GRID1: variants seen among roughly 807,000 people sequenced by gnomAD.
GRID1 encodes the protein glutamate receptor ionotropic, delta-1.
A neutral mutation model predicts 98.0 loss-of-function variants in GRID1; 28 were observed. The ratio of observed to expected loss-of-function variants is 0.29; its 90% CI spans 0.21 to 0.39. The LOEUF is 0.39. Among genes scored for constraint, GRID1 ranks in the 10% least tolerant of loss-of-function variants. GRID1 has a pLI of 1.00. For missense variants in GRID1, 1,111 were observed against 1,340.5 expected (o/e 0.83, Z 2.67); for synonymous variants, 553 against 538.5 (o/e 1.03, Z -0.37).
At chr10:85,782,036 CA>C (rs1192365951) in intron 8 of GRID1, among the ~76,000 whole-genome samples, 11 of 152,098 alleles carry the variant, frequency 7.2e-5, no homozygotes, top group African/African-American at 2.7e-4. Context: ...TTCCTAAAGG[CA>C]AAAAATTTAA....
intron 2 of GRID1, among the ~76,000 whole-genome samples, chr10:86,212,616 C>T (rs117950371): frequency 0.045 from 6,806 of 152,314 alleles, 228 homozygotes; most frequent in Admixed American, 0.085. Context: ...CCACGAGCCA[C>T]CTCGTTCCTC....
At chr10:86,017,173 A>C (rs1564650833) in intron 4 of GRID1, among the ~76,000 whole-genome samples, 1 of 152,222 alleles carries the variant, frequency 6.6e-6, no homozygotes, top group African/African-American at 2.4e-5. Flanking sequence ...TTTGTTTGAG[A>C]CAATAACTCA....
At chr10:85,704,398 CA>C (rs1370014452) in intron 12 of GRID1, among the ~76,000 whole-genome samples, 7 of 152,150 alleles carry the variant, frequency 4.6e-5, no homozygotes, top group Non-Finnish European at 1.0e-4. Flanking sequence ...GTAAAGGGAT[CA>C]ATTCAACAAG....
At chr10:85,820,025 G>A (rs1842750817) in intron 8 of GRID1, among the ~76,000 whole-genome samples, 1 of 107,034 alleles carries the variant, frequency 9.3e-6, no homozygotes, top group Non-Finnish European at 1.7e-5. Flanking sequence ...AAGGAAGGAA[G>A]GAAGGCAGGC....
intron 12 of GRID1, among the ~76,000 whole-genome samples, chr10:85,660,657 G>T (rs1840955313): frequency 6.6e-6 from 1 of 151,924 alleles, no homozygotes; most frequent in Non-Finnish European, 1.5e-5. Flanking sequence ...GCTGAAGTCT[G>T]GTTCTAAACA....
At chr10:85,880,220 T>C (rs1334101310) in intron 5 of GRID1, among the ~76,000 whole-genome samples, 1 of 152,214 alleles carries the variant, frequency 6.6e-6, no homozygotes, top group African/African-American at 2.4e-5. Context: ...CCATTCCTTC[T>C]GAAACTATTC....
At chr10:85,608,808 T>C (rs1160012487) in intron 15 of GRID1, among the ~76,000 whole-genome samples, 1 of 152,060 alleles carries the variant, frequency 6.6e-6, no homozygotes, top group Non-Finnish European at 1.5e-5. Context: ...TACACAGCGG[T>C]GTATGGTAAA....
intron 12 of GRID1, among the ~76,000 whole-genome samples, chr10:85,696,251 T>C (rs1462250584): frequency 6.6e-6 from 1 of 152,022 alleles, no homozygotes; most frequent in Non-Finnish European, 1.5e-5. Flanking sequence ...CATAAGTACA[T>C]AATTGCACAG....
chr10:85,768,208 G>C (rs1466862658), intron 8 of GRID1, among the ~76,000 whole-genome samples: 1 of 152,120 alleles, frequency 6.6e-6, no homozygotes, highest in Non-Finnish European at 1.5e-5. Flanking sequence ...GGAATAACTG[G>C]ATGACCATCT....
chr10:86,358,871 G>A (rs1297303840), intron 2 of GRID1, among the ~76,000 whole-genome samples: 4 of 151,792 alleles, frequency 2.6e-5, no homozygotes, highest in Non-Finnish European at 5.9e-5. Context: ...AGAAGGAGAT[G>A]TGATGACAGA....
At chr10:86,294,007 G>A (rs1044267429) in intron 2 of GRID1, among the ~76,000 whole-genome samples, 4 of 152,208 alleles carry the variant, frequency 2.6e-5, no homozygotes, top group Admixed American at 2.6e-4. Flanking sequence ...TGGCTGAGTG[G>A]ATGATAGAGT....
chr10:86,121,960 G>A lies in GRID1; in HGVS notation c.726+16859C>T, dbSNP rs557855989. On this transcript the variant is annotated intron_variant, in intron 4 of 15. Coordinates refer to ENST00000327946, the MANE Select transcript of GRID1 (RefSeq NM_017551.3). The stretch of plus-strand genomic sequence containing the variant: ...TCCTTACCTTGATTGCTTTAGAAAC[G>A]TTCCACTGGATACCCCCGGGCCCCA... Among the ~76,000 whole-genome samples the A allele has an allele frequency of 6.1e-4, 93 of 152,210 alleles. 1 individual carries two copies. In the South Asian group the frequency reaches 0.018, roughly 30 times the overall value.
chr10:86,199,622 G>T (rs1845920386), intron 3 of GRID1, among the ~76,000 whole-genome samples: 1 of 152,126 alleles, frequency 6.6e-6, no homozygotes, highest in Admixed American at 6.5e-5. Context: ...TGTGAGCAAG[G>T]GCAGCTCCAC....
At chr10:86,045,926 T>A (rs930699492) in intron 4 of GRID1, among the ~76,000 whole-genome samples, 12 of 151,940 alleles carry the variant, frequency 7.9e-5, no homozygotes, top group Admixed American at 7.9e-4. Flanking sequence ...GATCTCTGAG[T>A]GAGCTTTGGA....
At chr10:85,902,318 G>A (rs931736340) in intron 5 of GRID1, among the ~76,000 whole-genome samples, 1 of 152,200 alleles carries the variant, frequency 6.6e-6, no homozygotes, top group Non-Finnish European at 1.5e-5. Flanking sequence ...GTGGGACAAA[G>A]CAGTACAGCG....
At chr10:85,741,876 C>A (rs1357440136) in intron 8 of GRID1, among the ~76,000 whole-genome samples, 1 of 151,990 alleles carries the variant, frequency 6.6e-6, no homozygotes, top group Non-Finnish European at 1.5e-5. Context: ...AAGGTCCTTC[C>A]TGATTAGGAA....
intron 8 of GRID1, among the ~76,000 whole-genome samples, chr10:85,806,410 CTG>C (rs2131741708): frequency 6.6e-6 from 1 of 152,202 alleles, no homozygotes; most frequent in Admixed American, 6.5e-5. Flanking sequence ...ATTTCTTAGA[CTG>C]TGTTCTTAGA....
At chr10:85,612,290 C>T (rs116694260) in intron 15 of GRID1, among the ~76,000 whole-genome samples, 1 of 110,848 alleles carries the variant, frequency 9.0e-6, no homozygotes, top group African/African-American at 3.7e-5. Flanking sequence ...GTGCCAAATC[C>T]CTTCCCCAAA....
chr10:85,793,983 A>G (rs1842503942), intron 8 of GRID1, among the ~76,000 whole-genome samples: 1 of 152,230 alleles, frequency 6.6e-6, no homozygotes, highest in Non-Finnish European at 1.5e-5. Flanking sequence ...GCTAATGTGT[A>G]TTGTGAATCA....
Sources: gnomAD v4.1 joint callset for allele counts (sites outside exome capture counted in the v4.1 genomes callset) on GRCh38, gnomAD v4.1.1 for gene constraint, MANE v1.5 for transcripts, NCBI Gene and HGNC (gene_info 2026-07-23, HGNC 2026-07-21) for gene names.